Variants in GSK3B observed in about 807,000 individuals in gnomAD.
GSK3B encodes glycogen synthase kinase-3 beta.
In GSK3B, 15 loss-of-function variants were observed where a neutral mutation model predicts 56.4. The observed-to-expected ratio is 0.27, with a 90% CI of 0.18 to 0.41. The LOEUF is 0.41. GSK3B is among the 10% of genes least tolerant of loss of function. The pLI, the probability that GSK3B is intolerant of heterozygous loss-of-function variation, is 1.00. For missense variants in GSK3B, 300 were observed against 513.4 expected (o/e 0.58, Z 4.02); for synonymous variants, 181 against 188.9 (o/e 0.96, Z 0.34).
In GSK3B at chr3:119,983,105, A is replaced by G. The variant is rs182750367; in HGVS notation, c.282+18941T>C. On this transcript the variant is annotated intron_variant, in intron 2 of 10. Transcript: ENST00000264235. ...CCAGAATCTCATATCCAGCCAAACT[A>G]AGCTTCATAAGTGAAGGAGAAATAA... Among the ~76,000 whole-genome samples, 16 of 152,302 alleles carry G rather than the reference A, an allele frequency of 1.1e-4. No homozygotes were observed. The East Asian group carries it at 3.1e-3, about 29-fold the overall frequency.
chr3:120,003,389 C>A (rs932633901), intron 1 of GSK3B, among the ~76,000 whole-genome samples: 3 of 152,182 alleles, frequency 2.0e-5, no homozygotes, highest in Admixed American at 6.5e-5. Context: ...TTACATTGTT[C>A]TTTTAGTGAC....
In GSK3B at chr3:120,020,159, T is replaced by C. The variant is rs187306743; in HGVS notation, c.89-17920A>G. 3.2e-4 allele frequency among the ~76,000 whole-genome samples: 49 copies of C among 152,346 alleles called. 1 individual carries two copies. In the East Asian group the frequency reaches 9.3e-3, roughly 29 times the overall value. On this transcript the variant is annotated intron_variant, in intron 1 of 10. Transcript: ENST00000264235. ...TTTATAAGAACCTCTTAAAATTAAC[T>C]ATGGAAAATAAAATAGCAGGTAATA...
chr3:120,044,002 G>A (rs764773115), intron 1 of GSK3B, among the ~76,000 whole-genome samples: 6 of 152,162 alleles, frequency 3.9e-5, no homozygotes, highest in Non-Finnish European at 8.8e-5. Flanking sequence ...AATTCTGTCC[G>A]CACATTAAAC....
At chr3:120,030,642 C>T (rs977720682) in intron 1 of GSK3B, among the ~76,000 whole-genome samples, 2 of 152,262 alleles carry the variant, frequency 1.3e-5, no homozygotes, top group African/African-American at 4.8e-5. Flanking sequence ...TATTCTTTTA[C>T]CACCCCCATC....
At chr3:119,878,388 G>A (rs1432585928) in intron 7 of GSK3B, among the ~76,000 whole-genome samples, 2 of 152,030 alleles carry the variant, frequency 1.3e-5, no homozygotes, top group Non-Finnish European at 2.9e-5. Flanking sequence ...TTAATCATTA[G>A]GGAAATGCTA....
At chr3:119,880,756 T>C (rs1225122990) in intron 7 of GSK3B, among the ~76,000 whole-genome samples, 3 of 152,144 alleles carry the variant, frequency 2.0e-5, no homozygotes, top group African/African-American at 4.8e-5. Flanking sequence ...ATTTCTAACA[T>C]TGTTCTGGGG....
rs1012312697 is a variant in GSK3B, at chr3:119,863,699, C to G, written c.910-94G>C. 4 of 758,132 alleles carry G rather than the reference C, an allele frequency of 5.3e-6. No individual in the cohort carries two copies. In the East Asian group the frequency reaches 8.2e-5, roughly 16 times the overall value. 47.0% of individuals were successfully genotyped at this position (758,132 alleles called of 1,614,324 possible). A position where few individuals can be genotyped will look rare whatever the true frequency, so the allele number is the denominator to read the frequency against. ...ATAATGACTTAATTCCCACCATGTACAGAAACATGGTTGCATTTGGGAAAG... is the reference window on the plus strand; with the variant it reads ...ATAATGACTTAATTCCCACCATGTAGAGAAACATGGTTGCATTTGGGAAAG... On this transcript the variant is annotated intron_variant, in intron 8 of 10. Transcript: ENST00000264235.
chr3:120,076,813 C>CAAAAAAA (rs202058386), intron 1 of GSK3B, among the ~76,000 whole-genome samples: 13 of 45,588 alleles, frequency 2.9e-4, no homozygotes, highest in South Asian at 1.0e-3. Flanking sequence ...AACTCCGTCT[C>CAAAAAAA]AAAAAAAAAA....
chr3:119,960,184 A>G (rs1184328290), intron 2 of GSK3B, among the ~76,000 whole-genome samples: 3 of 150,744 alleles, frequency 2.0e-5, no homozygotes, highest in African/African-American at 7.3e-5. Context: ...AGCTAGCCCA[A>G]AAGGTTACAT....
At chr3:120,045,779 C>T (rs143627642) in intron 1 of GSK3B, among the ~76,000 whole-genome samples, 1 of 152,140 alleles carries the variant, frequency 6.6e-6, no homozygotes, top group Non-Finnish European at 1.5e-5. Flanking sequence ...AAAGTGAACA[C>T]AAATGTTTAC....
intron 1 of GSK3B, among the ~76,000 whole-genome samples, chr3:120,032,239 G>A (rs962564967): frequency 2.0e-5 from 3 of 152,180 alleles, no homozygotes; most frequent in Non-Finnish European, 4.4e-5. Context: ...CACTTTGGGA[G>A]GCCGAGGCAG....
chr3:120,075,891 T>G (rs2058363433), intron 1 of GSK3B, among the ~76,000 whole-genome samples: 2 of 151,816 alleles, frequency 1.3e-5, no homozygotes, highest in Admixed American at 6.6e-5. Context: ...AAAATTCACA[T>G]GGAACCACCA....
rs549752951 is a variant in GSK3B at position 120,075,487 on chromosome 3, C to G, written c.88+17860G>C. 5.3e-5 allele frequency among the ~76,000 whole-genome samples: 8 copies of G among 152,144 alleles called. No individual in the cohort carries two copies. The East Asian group carries it at 1.2e-3, about 22-fold the overall frequency. Reference sequence around the variant, plus strand: ...GGCATGATCCCATATATAGAAAACTCCAAAGACCACATGAAAAACTGTTAG... The same window carrying G: ...GGCATGATCCCATATATAGAAAACTGCAAAGACCACATGAAAAACTGTTAG... On this transcript the variant is annotated intron_variant, in intron 1 of 10. Transcript: ENST00000264235.
intron 2 of GSK3B, among the ~76,000 whole-genome samples, chr3:119,997,562 T>G (rs971643195): frequency 6.6e-6 from 1 of 152,222 alleles, no homozygotes; most frequent in African/African-American, 2.4e-5. Context: ...GCCCAACTAA[T>G]CTGCAAATTT....
chr3:119,844,655 C>G (rs2108013015), intron 9 of GSK3B, among the ~76,000 whole-genome samples: 1 of 149,984 alleles, frequency 6.7e-6, no homozygotes, highest in Middle Eastern at 3.4e-3. Flanking sequence ...CTGAATAGAC[C>G]AATGGCAGTA....
At chr3:119,844,953 C>T (rs769591731) in intron 9 of GSK3B, among the ~76,000 whole-genome samples, 1 of 152,140 alleles carries the variant, frequency 6.6e-6, no homozygotes, top group Non-Finnish European at 1.5e-5. Context: ...CCTTAAAAAG[C>T]GTATCCACCA....
intron 1 of GSK3B, among the ~76,000 whole-genome samples, chr3:120,053,565 C>A (rs1350786967): frequency 3.9e-5 from 6 of 152,128 alleles, no homozygotes; most frequent in Non-Finnish European, 7.3e-5. Flanking sequence ...CACATGTGCA[C>A]CCACAAGGAA....
intron 2 of GSK3B, among the ~76,000 whole-genome samples, chr3:119,993,287 A>T (rs2057583615): frequency 6.6e-6 from 1 of 152,110 alleles, no homozygotes; most frequent in African/African-American, 2.4e-5. Flanking sequence ...AAATGACACT[A>T]GATTTCTGAC....
At chr3:119,904,106 A>G (rs2056655359) in intron 7 of GSK3B, among the ~76,000 whole-genome samples, 1 of 152,184 alleles carries the variant, frequency 6.6e-6, no homozygotes, top group Non-Finnish European at 1.5e-5. Flanking sequence ...AAAAGACTCA[A>G]TTATTATACC....
Sources: gnomAD v4.1 joint callset for allele counts (sites outside exome capture counted in the v4.1 genomes callset) on GRCh38, gnomAD v4.1.1 for gene constraint, MANE v1.5 for transcripts, NCBI Gene and HGNC (gene_info 2026-07-23, HGNC 2026-07-21) for gene names.